SNUPN: variants seen among roughly 807,000 people sequenced by gnomAD.
SNUPN encodes the protein snurportin-1.
A neutral mutation model predicts 39.2 loss-of-function variants in SNUPN; 31 were observed. The observed-to-expected ratio is 0.79, with a 90% CI of 0.59 to 1.07. SNUPN has a LOEUF of 1.07. Among genes scored for constraint, SNUPN ranks in the 50% least tolerant of loss-of-function variants. The probability of loss-of-function intolerance (pLI) is 0.00; values close to 1 mark genes in which losing one functional copy is unlikely to be tolerated. For missense variants in SNUPN, 382 were observed against 434.2 expected, an observed-to-expected ratio of 0.88 and a Z score of 1.07; for synonymous variants, 132 against 159.0, an observed-to-expected ratio of 0.83 and a Z score of 1.28.
intron 6 of SNUPN, 47 bp downstream of exon 6, chr15:75,607,168 AG>A: frequency 7.4e-7 from 1 of 1,352,482 alleles, no homozygotes. Flanking sequence ...CTTTCCCAGG[AG>A]GAGAGGAGAA....
At chr15:75,602,183 G>C (rs1827353726) in intron 7 of SNUPN, among the ~76,000 whole-genome samples, 1 of 152,114 alleles carries the variant, frequency 6.6e-6, no homozygotes, top group African/African-American at 2.4e-5. Context: ...ACTCCAACCT[G>C]GGTGACAGAG....
At chr15:75,608,761 T>C (rs964746472) in intron 5 of SNUPN, among the ~76,000 whole-genome samples, 1 of 152,166 alleles carries the variant, frequency 6.6e-6, no homozygotes. Flanking sequence ...TGGGGCTGCA[T>C]TTATTCTGCA....
chr15:75,603,357 A>AT (rs536509992), intron 7 of SNUPN, among the ~76,000 whole-genome samples: 1 of 146,720 alleles, frequency 6.8e-6, no homozygotes, highest in East Asian at 2.2e-4. Flanking sequence ...TGGCCCAGGT[A>AT]TTTTTTTTAA....
chr15:75,612,112 A>T (rs1567556088), intron 3 of SNUPN, among the ~76,000 whole-genome samples: 1 of 149,274 alleles, frequency 6.7e-6, no homozygotes, highest in Non-Finnish European at 1.5e-5. Flanking sequence ...GGTTCACTGC[A>T]ACCTCCACCT....
At chr15:75,612,938 T>C (rs1269208562) in intron 3 of SNUPN, among the ~76,000 whole-genome samples, 1 of 152,054 alleles carries the variant, frequency 6.6e-6, no homozygotes. Flanking sequence ...GTGCAAATCA[T>C]GTATCTGATA....
Position 75,609,956 on chromosome 15 carries a change from A to T in SNUPN, c.342T>A (p.Asp114Glu), listed in dbSNP as rs1486940923. ...CGACCACAATCCATTCCTGCCCCAA[A>T]TCTGAAGGAACGTCAATTAACCACT... is the stretch of plus-strand genomic sequence containing the variant. Reference protein sequence around the residue: ...LSEWLIDVPSDLGQEWIVVVC... With the variant: ...LSEWLIDVPSELGQEWIVVVC... The change falls in exon 4 of 9, where the codon GAT (aspartate) becomes GAA (glutamate). Residue 114 changes from aspartate (D) to glutamate (E), a missense_variant. Asp to Glu is a conservative substitution (Grantham distance 45, BLOSUM62 2). Transcript: ENST00000308588. 2 of 1,614,156 alleles carry T rather than the reference A, an allele frequency of 1.2e-6. No individual in the cohort carries two copies. Among genetic ancestry groups the T allele is most frequent in the Admixed American group, 3.3e-5 (2 of 60,002 alleles).
At chr15:75,611,530 G>T (rs778518110) in intron 3 of SNUPN, among the ~76,000 whole-genome samples, 1 of 151,588 alleles carries the variant, frequency 6.6e-6, no homozygotes, top group Non-Finnish European at 1.5e-5. Flanking sequence ...GGGATTACAG[G>T]CATGAGCCAC....
At chr15:75,613,682 C>A (rs1892858170) in intron 3 of SNUPN, among the ~76,000 whole-genome samples, 1 of 148,442 alleles carries the variant, frequency 6.7e-6, no homozygotes, top group African/African-American at 2.5e-5. Context: ...AGATGTTTAA[C>A]ATCATTAGTC....
At chr15:75,598,722 G>T in intron 8 of SNUPN, 41 bp from the exon 9 acceptor site, 1 of 1,503,146 alleles carries the variant, frequency 6.7e-7, no homozygotes, top group Non-Finnish European at 9.1e-7. Context: ...TGACTTCTGG[G>T]GCCACATGTT....
intron 3 of SNUPN, among the ~76,000 whole-genome samples, chr15:75,613,237 C>T (rs1378978410): frequency 2.6e-5 from 3 of 114,418 alleles, no homozygotes; most frequent in African/African-American, 7.0e-5. Flanking sequence ...CCAGCCTGGG[C>T]GACAGAGCAA....
intron 8 of SNUPN, among the ~76,000 whole-genome samples, chr15:75,599,359 T>C (rs2141357901): frequency 1.3e-5 from 2 of 151,440 alleles, no homozygotes; most frequent in Admixed American, 1.3e-4. Flanking sequence ...ACTTGAACTC[T>C]GGTCTTCTGT....
At chr15:75,620,697 C>T (rs550889467) in intron 2 of SNUPN, among the ~76,000 whole-genome samples, 197 bp downstream of exon 2, 196 of 152,244 alleles carry the variant, frequency 1.3e-3, no homozygotes, top group African/African-American at 4.5e-3. Flanking sequence ...TCCCTAATTC[C>T]TCATCTTCTC....
chr15:75,623,178 CT>C (rs1240935361), intron 1 of SNUPN, among the ~76,000 whole-genome samples: 2 of 151,458 alleles, frequency 1.3e-5, no homozygotes, highest in Non-Finnish European at 2.9e-5. Context: ...GAGTTTCACT[CT>C]TGTTGCCCAG....
At chr15:75,623,201 A>G (rs910244807) in intron 1 of SNUPN, among the ~76,000 whole-genome samples, 1 of 152,100 alleles carries the variant, frequency 6.6e-6, no homozygotes, top group African/African-American at 2.4e-5. Flanking sequence ...CTGGAGCACA[A>G]TGGCACGATC....
chr15:75,620,820 C>T (rs1482248520), intron 2 of SNUPN, 74 bp downstream of exon 2: 4 of 1,339,866 alleles, frequency 3.0e-6, no homozygotes, highest in Non-Finnish European at 4.1e-6. Flanking sequence ...TCTGTAGAGA[C>T]AAGCCTAGAG....
At chr15:75,622,566 C>G in intron 1 of SNUPN, 1 of 869,910 alleles carries the variant, frequency 1.1e-6, no homozygotes, top group Non-Finnish European at 1.4e-6. Context: ...TATAAGAAAA[C>G]AGGAACATTT....
Position 75,620,963 on chromosome 15 carries a change from T to A in SNUPN, c.89A>T (p.Gln30Leu). 6.2e-7 allele frequency: 1 copy of A among 1,614,150 alleles called. No homozygotes were observed. The highest frequency in any genetic ancestry group is 1.7e-4 in the Middle Eastern group (1 of 6,052). The part of the protein sequence containing the change: ...STAAPHPRLS[Q>L]YKSKYSSLEQ... ...CAAGGAACTGTACTTGGACTTGTAC[T>A]GGGATAGGCGGGGGTGTGGGGCAGC... is the stretch of plus-strand genomic sequence containing the variant. Residue 30 changes from glutamine (Q) to leucine (L), a missense_variant, in exon 2 of 9, where the codon CAG becomes CTG. Physicochemically the swap from Gln to Leu is moderately radical, Grantham distance 113. Coordinates refer to ENST00000308588, the MANE Select transcript of SNUPN (RefSeq NM_005701.4).
At chr15:75,614,423 G>A (rs1351189013) in intron 3 of SNUPN, among the ~76,000 whole-genome samples, 4 of 152,198 alleles carry the variant, frequency 2.6e-5, no homozygotes, top group Admixed American at 1.3e-4. Context: ...TATCCATACA[G>A]TGGAATATTA....
At chr15:75,619,424 T>C (rs1169144694) in intron 2 of SNUPN, among the ~76,000 whole-genome samples, 1 of 151,886 alleles carries the variant, frequency 6.6e-6, no homozygotes, top group Non-Finnish European at 1.5e-5. Context: ...GGAGGATCAG[T>C]TGAGCCTAGG....
Sources: allele counts gnomAD v4.1 joint callset (sites outside exome capture counted in the v4.1 genomes callset), GRCh38; gene constraint gnomAD v4.1.1; transcripts MANE v1.5; gene names NCBI Gene and HGNC (gene_info 2026-07-23, HGNC 2026-07-21).